Variants in RIT2 observed in about 807,000 individuals in gnomAD.
The protein encoded by RIT2 is GTP-binding protein Rit2.
Under a neutral mutation model 23.7 loss-of-function variants are expected in RIT2, and 24 were observed. That is an observed-to-expected ratio of 1.01 (90% confidence interval 0.73 to 1.43). The LOEUF (loss-of-function observed/expected upper bound fraction) is 1.43. Among genes scored for constraint, RIT2 ranks in the 40% most tolerant of loss-of-function variants. The pLI is 0.00. For synonymous variants in RIT2, 107 were observed against 91.1 expected (o/e 1.17, Z -0.99); for missense variants, 236 against 266.9 (o/e 0.88, Z 0.81).
chr18:43,071,694 C>T (rs1263429154), intron 1 of RIT2, among the ~76,000 whole-genome samples: 6 of 152,116 alleles, frequency 3.9e-5, no homozygotes, highest in Admixed American at 3.3e-4. Flanking sequence ...AAAGCATTTA[C>T]ATTACTATAT....
chr18:43,105,100 C>CTCTGTG (rs55751225), intron 1 of RIT2, among the ~76,000 whole-genome samples: 1,692 of 143,024 alleles, frequency 0.012, 57 homozygotes, highest in East Asian at 0.1. Context: ...AGGCAGTGTG[C>CTCTGTG]TGTGTGTGTG....
intron 2 of RIT2, among the ~76,000 whole-genome samples, chr18:43,011,543 T>C: frequency 6.6e-6 from 1 of 151,774 alleles, no homozygotes; most frequent in East Asian, 1.9e-4. Flanking sequence ...TAACAGAAAT[T>C]AAAATTATTA....
chr18:42,765,031 T>C (rs143864171), intron 4 of RIT2, among the ~76,000 whole-genome samples: 54 of 152,360 alleles, frequency 3.5e-4, no homozygotes, highest in Non-Finnish European at 5.9e-4. Flanking sequence ...TCTCTGAGCC[T>C]ATATTTTCTT....
rs184213250 is a variant in RIT2, at chr18:42,923,382, T to A, written c.426+190A>T. ...GCACTAGTAAGGGCACTCTGCAAAA[T>A]AGCATATGTGGTAAAATATATTATG... On this transcript the variant is annotated intron_variant, in intron 4 of 4. Transcript: ENST00000326695. The A allele has an allele frequency of 3.0e-4, 185 of 609,384 alleles. 1 individual carries two copies. The East Asian group carries it at 4.9e-3, about 16-fold the overall frequency. The allele number at this position is 609,384 out of a possible 1,614,324, so 37.7% of individuals were successfully genotyped here. A position where few individuals can be genotyped will look rare whatever the true frequency, so the allele number is the denominator to read the frequency against.
At chr18:43,039,113 T>C (rs1311482126) in intron 1 of RIT2, among the ~76,000 whole-genome samples, 1 of 152,216 alleles carries the variant, frequency 6.6e-6, no homozygotes, top group South Asian at 2.1e-4. Context: ...TGGTTCTGTT[T>C]ACTGTCAAGG....
At chr18:42,962,291 G>A (rs1407930812) in intron 3 of RIT2, among the ~76,000 whole-genome samples, 3 of 152,140 alleles carry the variant, frequency 2.0e-5, no homozygotes, top group Non-Finnish European at 4.4e-5. Context: ...GCAGGACAAT[G>A]AGAAAACAAT....
At chr18:42,797,950 T>C (rs1463437582) in intron 4 of RIT2, among the ~76,000 whole-genome samples, 2 of 152,244 alleles carry the variant, frequency 1.3e-5, no homozygotes, top group African/African-American at 4.8e-5. Flanking sequence ...CTCTATACTC[T>C]TATTTGCCAA....
chr18:43,056,952 G>C (rs1019439748), intron 1 of RIT2, among the ~76,000 whole-genome samples: 1 of 150,294 alleles, frequency 6.7e-6, no homozygotes, highest in African/African-American at 2.5e-5. Context: ...TTATAATCAT[G>C]GGATTTTTCT....
chr18:43,079,255 G>T (rs959180320), intron 1 of RIT2, among the ~76,000 whole-genome samples: 3 of 152,124 alleles, frequency 2.0e-5, no homozygotes, highest in African/African-American at 4.8e-5. Context: ...GGGAAGGCTA[G>T]AGCTGAGATT....
intron 1 of RIT2, among the ~76,000 whole-genome samples, chr18:43,059,713 A>T (rs1316383950): frequency 2.6e-5 from 4 of 152,194 alleles, no homozygotes; most frequent in African/African-American, 9.6e-5. Context: ...TTATTGCTCC[A>T]TGAAATGTGA....
intron 4 of RIT2, among the ~76,000 whole-genome samples, chr18:42,851,545 C>G (rs1907053858): frequency 6.6e-6 from 1 of 151,986 alleles, no homozygotes; most frequent in Admixed American, 6.6e-5. Context: ...TTTTTTAACC[C>G]TTGAACTCTT....
Position 42,923,611 on chromosome 18 carries a change from C to A in RIT2, c.387G>T (p.Val129=). 2 of 1,613,408 alleles carry A rather than the reference C, an allele frequency of 1.2e-6. No individual in the cohort carries two copies. Among genetic ancestry groups the A allele is most frequent in the Non-Finnish European group, 1.7e-6 (2 of 1,179,604 alleles). The change falls in exon 4 of 5, where the codon GTG becomes GTT. Residue 129 remains valine (V), a synonymous_variant. Transcript: ENST00000326695. ...CCAGATCAATTTTGTTACCCACCAG[C>A]ACCAGGGGAATTTCATAGGTGTGGC... The part of the protein sequence containing the change: ...QVRHTYEIPL[V]LVGNKIDLEQ...
chr18:42,993,155 C>A (rs891667182), intron 2 of RIT2, among the ~76,000 whole-genome samples: 1 of 152,226 alleles, frequency 6.6e-6, no homozygotes, highest in Admixed American at 6.5e-5. Flanking sequence ...GCTACAAGTG[C>A]CAGAAATCTG....
chr18:43,088,968 T>C (rs1172865807), intron 1 of RIT2, among the ~76,000 whole-genome samples: 1 of 152,102 alleles, frequency 6.6e-6, no homozygotes, highest in Admixed American at 6.6e-5. Flanking sequence ...GAAAATACAG[T>C]TAATAAAAAA....
intron 4 of RIT2, among the ~76,000 whole-genome samples, chr18:42,858,315 T>G (rs183091834): frequency 6.6e-6 from 1 of 152,300 alleles, no homozygotes; most frequent in East Asian, 1.9e-4. Flanking sequence ...CCTGTTCTGC[T>G]CTGGAATCTA....
At chr18:42,831,187 T>C (rs929194317) in intron 4 of RIT2, among the ~76,000 whole-genome samples, 4 of 152,232 alleles carry the variant, frequency 2.6e-5, no homozygotes, top group African/African-American at 9.6e-5. Flanking sequence ...GTTAGTTCTT[T>C]TCTTTGTGTA....
intron 3 of RIT2, among the ~76,000 whole-genome samples, chr18:42,924,129 A>G (rs531386488): frequency 6.6e-6 from 1 of 152,096 alleles, no homozygotes; most frequent in Non-Finnish European, 1.5e-5. Context: ...TTTCTTTTCT[A>G]GAAACATTGA....
chr18:43,094,114 GT>G lies in RIT2; in HGVS notation c.103+21302del, dbSNP rs796958736. Among the ~76,000 whole-genome samples, 43 of 63,530 alleles carry G rather than the reference GT, an allele frequency of 6.8e-4. No homozygotes were observed. The East Asian group carries it at 8.7e-3, about 13-fold the overall frequency. The allele number at this position is 63,530 out of a possible 152,430, so 41.7% of individuals were successfully genotyped here. ...AACATTTCAAAATTGGTATTAGTGG[GT>G]TTTTTTTGTTTTTTTTTTTTTTTTT... On this transcript the variant is annotated intron_variant, in intron 1 of 4. Coordinates refer to ENST00000326695, the MANE Select transcript of RIT2 (RefSeq NM_002930.4).
At chr18:42,759,005 G>A (rs1598642556) in intron 4 of RIT2, among the ~76,000 whole-genome samples, 1 of 152,154 alleles carries the variant, frequency 6.6e-6, no homozygotes, top group Non-Finnish European at 1.5e-5. Context: ...CCTCCAGCTT[G>A]CAGATTGCAG....
Sources: gnomAD v4.1 joint callset for allele counts (sites outside exome capture counted in the v4.1 genomes callset) on GRCh38, gnomAD v4.1.1 for gene constraint, MANE v1.5 for transcripts, NCBI Gene and HGNC (gene_info 2026-07-23, HGNC 2026-07-21) for gene names.